Variants in MYO1E observed in about 807,000 individuals in gnomAD.
MYO1E encodes the protein unconventional myosin-Ie.
In MYO1E, 68 loss-of-function variants were observed where a neutral mutation model predicts 151.1. That is an observed-to-expected ratio of 0.45 (90% confidence interval 0.37 to 0.55). MYO1E has a LOEUF of 0.55. MYO1E is among the 20% of genes least tolerant of loss of function. MYO1E has a pLI of 0.00. For missense variants in MYO1E, 1,363 were observed against 1,389.3 expected (o/e 0.98, Z 0.30); for synonymous variants, 601 against 501.7 (o/e 1.20, Z -2.64).
intron 13 of MYO1E, among the ~76,000 whole-genome samples, chr15:59,209,765 A>T (rs1171802609): frequency 1.3e-5 from 2 of 150,938 alleles, no homozygotes; most frequent in Non-Finnish European, 2.9e-5. Flanking sequence ...TATATATATA[A>T]AAAAATCCTA....
intron 1 of MYO1E, among the ~76,000 whole-genome samples, chr15:59,335,432 A>C (rs1265699266): frequency 3.3e-5 from 5 of 152,216 alleles, no homozygotes; most frequent in African/African-American, 1.2e-4. Context: ...TGAAAGAAGC[A>C]AGTGATGATT....
intron 4 of MYO1E, among the ~76,000 whole-genome samples, chr15:59,252,295 AG>A (rs2080169408): frequency 6.6e-6 from 1 of 152,192 alleles, no homozygotes; most frequent in African/African-American, 2.4e-5. Context: ...AAATGAACCA[AG>A]GCCTAGCGGG....
At chr15:59,360,256 G>A (rs2140440287) in intron 1 of MYO1E, among the ~76,000 whole-genome samples, 2 of 152,212 alleles carry the variant, frequency 1.3e-5, no homozygotes, top group Middle Eastern at 3.4e-3. Context: ...GTCTTGACGA[G>A]CCCACAGATA....
intron 1 of MYO1E, among the ~76,000 whole-genome samples, chr15:59,286,593 T>G (rs1278244212): frequency 4.6e-5 from 7 of 152,100 alleles, no homozygotes; most frequent in Non-Finnish European, 7.4e-5. Context: ...CAGGGGTGTC[T>G]TGATGTGGGC....
rs1429861029 is a variant in MYO1E, at chr15:59,272,451, TG to T, written c.4-3del. The T allele has an allele frequency of 1.2e-6, 2 of 1,614,132 alleles. No homozygotes were observed. Among genetic ancestry groups the T allele is most frequent in the Non-Finnish European group, 1.7e-6 (2 of 1,179,948 alleles). Reference sequence around the variant, plus strand: ...GTACTGGTAGACACCTTTGCTTCCCTGGGAACATAAAACATACAATTACTAG... The same window carrying T: ...GTACTGGTAGACACCTTTGCTTCCCTGGAACATAAAACATACAATTACTAG... On this transcript the variant is annotated splice_polypyrimidine_tract_variant and splice_region_variant and intron_variant, in intron 1 of 27. Coordinates refer to ENST00000288235, the MANE Select transcript of MYO1E (RefSeq NM_004998.4).
chr15:59,190,239 G>A (rs564013063), intron 17 of MYO1E, among the ~76,000 whole-genome samples: 22 of 152,316 alleles, frequency 1.4e-4, no homozygotes, highest in African/African-American at 4.1e-4. Flanking sequence ...TCTCTCTTTC[G>A]AAGATGGAAT....
chr15:59,198,840 A>AC (rs1363931377), intron 16 of MYO1E, among the ~76,000 whole-genome samples: 2 of 149,602 alleles, frequency 1.3e-5, no homozygotes, highest in East Asian at 2.0e-4. Context: ...CAAAAAAAAA[A>AC]CAAACCAAAA....
At chr15:59,142,920 C>CAAA (rs10717979) in intron 26 of MYO1E, among the ~76,000 whole-genome samples, 43 of 87,190 alleles carry the variant, frequency 4.9e-4, no homozygotes, top group South Asian at 1.3e-3. Context: ...TAATTAGGTG[C>CAAA]AAAAAAAAAA....
intron 1 of MYO1E, among the ~76,000 whole-genome samples, chr15:59,310,392 C>T (rs1416076354): frequency 1.3e-5 from 2 of 152,152 alleles, no homozygotes; most frequent in Non-Finnish European, 1.5e-5. Context: ...CAAGTTAAGA[C>T]GAAGTCAGCA....
chr15:59,151,263 A>C (rs2079476897), intron 26 of MYO1E, among the ~76,000 whole-genome samples: 3 of 148,344 alleles, frequency 2.0e-5, no homozygotes, highest in African/African-American at 7.7e-5. Flanking sequence ...CCATCTCTAC[A>C]AAAAAAAACC....
chr15:59,205,208 G>A (rs1470934899), intron 15 of MYO1E, among the ~76,000 whole-genome samples, 192 bp downstream of exon 15: 1 of 152,136 alleles, frequency 6.6e-6, no homozygotes, highest in African/African-American at 2.4e-5. Context: ...CTGGAGGGCA[G>A]TGGCTATTGA....
chr15:59,153,125 G>A (rs2079491227), intron 26 of MYO1E, among the ~76,000 whole-genome samples: 1 of 152,222 alleles, frequency 6.6e-6, no homozygotes, highest in African/African-American at 2.4e-5. Context: ...TAGAAAGGCA[G>A]AGAGGCTCTC....
intron 1 of MYO1E, among the ~76,000 whole-genome samples, chr15:59,333,756 A>G (rs1026351237): frequency 4.6e-5 from 7 of 151,988 alleles, no homozygotes; most frequent in African/African-American, 1.5e-4. Context: ...CTTTATTCCT[A>G]TGTTTATAGT....
intron 2 of MYO1E, among the ~76,000 whole-genome samples, chr15:59,268,718 G>GTTTTTTTTTTTTTTT (rs1452818863): frequency 7.5e-4 from 9 of 12,056 alleles, no homozygotes; most frequent in East Asian, 2.0e-3. Flanking sequence ...GGTGACTTTG[G>GTTTTTTTTTTTTTTT]TATTTTTTTT....
intron 1 of MYO1E, among the ~76,000 whole-genome samples, chr15:59,283,071 G>C (rs566053187): frequency 6.7e-6 from 1 of 149,568 alleles, no homozygotes; most frequent in Non-Finnish European, 1.5e-5. Flanking sequence ...AAGGGCTCTG[G>C]TTGCCCTCAT....
chr15:59,227,385 T>C, intron 7 of MYO1E, 74 bp downstream of exon 7: 1 of 1,560,716 alleles, frequency 6.4e-7, no homozygotes, highest in South Asian at 1.1e-5. Context: ...CTATAGTCTA[T>C]GCCTGAAGTC....
intron 26 of MYO1E, among the ~76,000 whole-genome samples, chr15:59,149,598 G>A (rs2079464464): frequency 6.6e-6 from 1 of 152,198 alleles, no homozygotes; most frequent in Non-Finnish European, 1.5e-5. Flanking sequence ...AAATCTTCAT[G>A]CTCTCTTCAG....
At position 59,227,450 on chromosome 15, in the gene MYO1E, C is replaced by G. The variant is rs772674499; in HGVS notation, c.642+9G>C. The G allele has an allele frequency of 4.5e-5, 72 of 1,613,946 alleles. No homozygotes were observed. Among genetic ancestry groups the G allele is most frequent in the Middle Eastern group, 1.6e-4 (1 of 6,082 alleles). ...AGGAAGTGGGTAGGAAAAAAGTAAACAGGAAAACCTGGTAAAATATGTGAA... is the reference window on the plus strand; with the variant it reads ...AGGAAGTGGGTAGGAAAAAAGTAAAGAGGAAAACCTGGTAAAATATGTGAA... On this transcript the variant is annotated intron_variant, in intron 7 of 27. Transcript: ENST00000288235.
chr15:59,240,588 T>C (rs886199096), intron 4 of MYO1E, among the ~76,000 whole-genome samples: 27 of 152,174 alleles, frequency 1.8e-4, no homozygotes, highest in African/African-American at 6.3e-4. Flanking sequence ...TGTAAAAATA[T>C]TTCAGTTCTT....
Sources: gnomAD v4.1 joint callset for allele counts (sites outside exome capture counted in the v4.1 genomes callset) on GRCh38, gnomAD v4.1.1 for gene constraint, MANE v1.5 for transcripts, NCBI Gene and HGNC (gene_info 2026-07-23, HGNC 2026-07-21) for gene names.